The following CIMAP2 variants were observed in gnomAD, a reference collection of about 807,000 sequenced individuals.
CIMAP2 encodes the protein ciliary microtubule associated protein 2.
At chr1:54,820,415 T>C in the CIMAP2 span, among the ~76,000 whole-genome samples, 1 of 151,818 alleles carries the variant, frequency 6.6e-6, no homozygotes, top group Non-Finnish European at 1.5e-5. Context: ...TGGCTTCAAG[T>C]GGTCCTCCCA....
chr1:54,813,797 T>C, the CIMAP2 span: 6 of 1,583,416 alleles, frequency 3.8e-6, no homozygotes, highest in Non-Finnish European at 4.3e-6. Context: ...AGATTCCTTT[T>C]TCTCTCTTTT....
At chr1:54,807,194 TC>T in the CIMAP2 span, 1 of 1,216,324 alleles carries the variant, frequency 8.2e-7, no homozygotes, top group South Asian at 1.2e-5. Flanking sequence ...CTTTCTACCT[TC>T]TTCCAGCACA....
chr1:54,837,090 A>G, the CIMAP2 span, among the ~76,000 whole-genome samples: 1 of 152,078 alleles, frequency 6.6e-6, no homozygotes, highest in African/African-American at 2.4e-5. Context: ...GTTATGAAAT[A>G]TTACAGTAGA....
chr1:54,812,225 C>A, the CIMAP2 span: 2 of 1,612,074 alleles, frequency 1.2e-6, no homozygotes, highest in East Asian at 2.2e-5. Flanking sequence ...TTAGTCCATG[C>A]CCCAGCAGGA....
the CIMAP2 span, chr1:54,813,732 T>C: frequency 6.9e-7 from 1 of 1,446,542 alleles, no homozygotes; most frequent in Admixed American, 2.4e-5. Flanking sequence ...CCCATTGCTT[T>C]TCTCTGGTTG....
the CIMAP2 span, among the ~76,000 whole-genome samples, chr1:54,826,140 A>G: frequency 6.6e-6 from 1 of 152,020 alleles, no homozygotes; most frequent in Admixed American, 6.5e-5. Flanking sequence ...TGGGCACCAG[A>G]GTTCAGGTAG....
At chr1:54,823,817 C>T in the CIMAP2 span, among the ~76,000 whole-genome samples, 3 of 152,152 alleles carry the variant, frequency 2.0e-5, no homozygotes, top group African/African-American at 7.2e-5. Context: ...CTCTCTCAAG[C>T]ATTTCTTGTA....
the CIMAP2 span, chr1:54,811,712 A>T: frequency 2.7e-4 from 290 of 1,064,522 alleles, no homozygotes; most frequent in Non-Finnish European, 3.7e-4. Context: ...TGGGGATGGC[A>T]ATCTCAGGTG....
the CIMAP2 span, chr1:54,817,120 G>A: frequency 6.2e-7 from 1 of 1,614,212 alleles, no homozygotes; most frequent in East Asian, 2.2e-5. Context: ...ACATGCTCAT[G>A]CAGTGAGTGC....
the CIMAP2 span, among the ~76,000 whole-genome samples, chr1:54,832,649 T>C: frequency 8.9e-4 from 136 of 152,126 alleles, no homozygotes; most frequent in African/African-American, 2.7e-3. Flanking sequence ...ACAAAAAAGA[T>C]TGAAACCAAA....
chr1:54,817,135 G>A, the CIMAP2 span: 1 of 1,614,058 alleles, frequency 6.2e-7, no homozygotes, highest in East Asian at 2.2e-5. Flanking sequence ...GAGTGCAGCT[G>A]GAGCTGCAGG....
At chr1:54,841,583 A>C in the CIMAP2 span, 1 of 1,614,042 alleles carries the variant, frequency 6.2e-7, no homozygotes, top group South Asian at 1.1e-5. Context: ...AATGAGCTGA[A>C]CTGAGTGTGA....
At chr1:54,806,312 T>C in the CIMAP2 span, 1 of 1,273,012 alleles carries the variant, frequency 7.9e-7, no homozygotes, top group Non-Finnish European at 1.0e-6. Context: ...AGAGAGGGTG[T>C]CCACCTACAC....
the CIMAP2 span, among the ~76,000 whole-genome samples, chr1:54,822,353 A>G: frequency 6.7e-6 from 1 of 149,206 alleles, no homozygotes; most frequent in African/African-American, 2.5e-5. Context: ...CAAAAAACCA[A>G]CCTTTCATTT....
At chr1:54,808,528 C>T in the CIMAP2 span, among the ~76,000 whole-genome samples, 651 of 144,816 alleles carry the variant, frequency 4.5e-3, 7 homozygotes, top group African/African-American at 0.015. Flanking sequence ...TGAGAGGAGG[C>T]GAGCGAGAGG....
the CIMAP2 span, chr1:54,813,884 A>C: frequency 1.1e-5 from 17 of 1,613,966 alleles, no homozygotes; most frequent in Non-Finnish European, 1.4e-5. Flanking sequence ...CACAATAAGA[A>C]GCATGGGGTT....
the CIMAP2 span, among the ~76,000 whole-genome samples, chr1:54,808,282 AGACAGGCAAGG>A: frequency 6.6e-6 from 1 of 152,208 alleles, no homozygotes; most frequent in Non-Finnish European, 1.5e-5. Context: ...AACACAAATT[AGACAGGCAAGG>A]GACAGGCAGT....
the CIMAP2 span, among the ~76,000 whole-genome samples, chr1:54,809,732 T>C: frequency 5.9e-5 from 9 of 152,042 alleles, no homozygotes; most frequent in African/African-American, 2.2e-4. Context: ...GGCCTGGGTG[T>C]GGGAACTCAG....
At chr1:54,819,897 CCTT>C in the CIMAP2 span, among the ~76,000 whole-genome samples, 2 of 134,716 alleles carry the variant, frequency 1.5e-5, no homozygotes, top group African/African-American at 5.6e-5. Flanking sequence ...TCCCTTCCTT[CCTT>C]CTTTCCTTTC....
Sources: gnomAD v4.1 joint callset for allele counts (sites outside exome capture counted in the v4.1 genomes callset) on GRCh38, gnomAD v4.1.1 for gene constraint, MANE v1.5 for transcripts, NCBI Gene and HGNC (gene_info 2026-07-23, HGNC 2026-07-21) for gene names.